Variants in FBLN2 observed in about 807,000 individuals in gnomAD.
The protein encoded by FBLN2 is fibulin-2.
FBLN2 carries 81 observed loss-of-function variants against 123.7 expected under a neutral mutation model. The ratio of observed to expected loss-of-function variants is 0.65; its 90% CI spans 0.55 to 0.79. The LOEUF is 0.79. Among genes scored for constraint, FBLN2 ranks in the 30% least tolerant of loss-of-function variants. FBLN2 has a pLI of 0.00. For synonymous variants in FBLN2, 699 were observed against 701.4 expected, an observed-to-expected ratio of 1.00 and a Z score of 0.05; for missense variants, 1,603 against 1,681.3, an observed-to-expected ratio of 0.95 and a Z score of 0.81.
intron 2 of FBLN2, among the ~76,000 whole-genome samples, chr3:13,574,479 G>A (rs1205641804): frequency 6.6e-6 from 1 of 152,206 alleles, no homozygotes; most frequent in Non-Finnish European, 1.5e-5. Flanking sequence ...AGGGAGCCGG[G>A]CATGTGGCTT....
In FBLN2 at chr3:13,582,369, G is replaced by A. The variant is rs528620442; in HGVS notation, c.1306+10708G>A. Among the ~76,000 whole-genome samples the A allele has an allele frequency of 4.6e-5, 7 of 151,844 alleles. No homozygotes were observed. In the East Asian group the frequency reaches 1.2e-3, roughly 25 times the overall value. On this transcript the variant is annotated intron_variant, in intron 2 of 17. Transcript: ENST00000404922. The stretch of plus-strand genomic sequence containing the variant: ...GGATCTGTGCTGCGAGTTTCCCTGC[G>A]GGCAATGTCGGCATCCTCTACCTGC...
chr3:13,587,137 T>G (rs1574963206), intron 2 of FBLN2, among the ~76,000 whole-genome samples: 1 of 130,330 alleles, frequency 7.7e-6, no homozygotes, highest in African/African-American at 3.0e-5. Flanking sequence ...ACAGCGAGAC[T>G]CCGTCTCAAA....
intron 1 of FBLN2, among the ~76,000 whole-genome samples, chr3:13,559,355 T>TGGATTTCTC (rs1703548754): frequency 6.6e-6 from 1 of 151,916 alleles, no homozygotes; most frequent in Non-Finnish European, 1.5e-5. Flanking sequence ...TTCTCTTTCT[T>TGGATTTCTC]GGCTTTTGTG....
At chr3:13,586,664 ATTTTTT>A in intron 2 of FBLN2, among the ~76,000 whole-genome samples, 1 of 124,820 alleles carries the variant, frequency 8.0e-6, no homozygotes, top group East Asian at 2.4e-4. Context: ...TGCCCAGCTA[ATTTTTT>A]TTTTTTTTTT....
Position 13,549,154 on chromosome 3 carries a change from G to T in FBLN2, c.-96G>T. ...ACAGCCAGGGGCCGCCCGGGCTCTC[G>T]ACGCGCCGACGGCCGGGCGGACGGA... On this transcript the variant is annotated 5_prime_UTR_variant, in exon 1 of 18. Coordinates refer to ENST00000404922, the MANE Select transcript of FBLN2 (RefSeq NM_001004019.2). 3.1e-6 allele frequency: 3 copies of T among 982,744 alleles called. No homozygotes were observed. The highest frequency in any genetic ancestry group is 3.6e-6 in the Non-Finnish European group (3 of 828,908). 60.9% of individuals were successfully genotyped at this position (982,744 alleles called of 1,614,324 possible). A position where few individuals can be genotyped will look rare whatever the true frequency, so the allele number is the denominator to read the frequency against.
intron 4 of FBLN2, 80 bp downstream of exon 4, chr3:13,609,722 G>A (rs2124881023): frequency 2.0e-6 from 3 of 1,513,562 alleles, no homozygotes; most frequent in South Asian, 1.2e-5. Context: ...GGTCCTCGTG[G>A]CCCAAGAAGT....
At chr3:13,618,013 G>A in intron 5 of FBLN2, 63 bp from the exon 6 acceptor site, 1 of 1,489,342 alleles carries the variant, frequency 6.7e-7, no homozygotes, top group Non-Finnish European at 9.3e-7. Flanking sequence ...TCCCAAAGCT[G>A]GTTGTCTCAG....
intron 10 of FBLN2, 127 bp downstream of exon 10, chr3:13,626,706 C>T (rs1415765607): frequency 2.1e-6 from 2 of 967,076 alleles, no homozygotes; most frequent in African/African-American, 3.3e-5. Context: ...TCTCCATCCC[C>T]TCCTTTCTAG....
chr3:13,619,880 G>T, intron 8 of FBLN2, 49 bp downstream of exon 8: 1 of 1,464,280 alleles, frequency 6.8e-7, no homozygotes. Context: ...GAGTTGGCCT[G>T]TGATGGGGGC....
rs373376353 is a variant in FBLN2 at position 13,600,701 on chromosome 3, C to T, written c.1307-7361C>T. Among the ~76,000 whole-genome samples, 263 of 151,790 alleles carry T rather than the reference C, an allele frequency of 1.7e-3. 1 individual carries two copies. Among genetic ancestry groups the T allele is most frequent in the African/African-American group, 5.9e-3 (245 of 41,356 alleles). ...CGCCATCTTGGCTCACTGCAACCTC[C>T]GCCTCACGGGTTCAAGTGATTCTCC... On this transcript the variant is annotated intron_variant, in intron 2 of 17. Coordinates refer to ENST00000404922, the MANE Select transcript of FBLN2 (RefSeq NM_001004019.2).
chr3:13,612,323 C>CTTTCTTTCTTTCTTTCTTTCTTTCTTTCT (rs1705426276), intron 4 of FBLN2, among the ~76,000 whole-genome samples: 1 of 134,950 alleles, frequency 7.4e-6, no homozygotes, highest in African/African-American at 2.8e-5. Flanking sequence ...TTCTTTCTTT[C>CTTTCTTTCTTTCTTTCTTTCTTTCTTTCT]TTTCTTTCTT....
chr3:13,601,886 C>T (rs959346498), intron 2 of FBLN2, among the ~76,000 whole-genome samples: 3 of 152,212 alleles, frequency 2.0e-5, no homozygotes, highest in Non-Finnish European at 4.4e-5. Flanking sequence ...AAGCCTCCAT[C>T]TCCTGGGCTC....
chr3:13,632,277 G>A (rs1223244163), intron 16 of FBLN2, among the ~76,000 whole-genome samples: 1 of 152,194 alleles, frequency 6.6e-6, no homozygotes, highest in African/African-American at 2.4e-5. Flanking sequence ...CGGCCCCTCG[G>A]TCCCTTGGCG....
intron 2 of FBLN2, among the ~76,000 whole-genome samples, chr3:13,599,707 A>C (rs911767503): frequency 6.6e-6 from 1 of 150,416 alleles, no homozygotes; most frequent in Non-Finnish European, 1.5e-5. Context: ...GAGGCGGGGG[A>C]TGAGGGATTG....
At chr3:13,629,316 C>T (rs1265600363) in intron 13 of FBLN2, 24 bp downstream of exon 13, 21 of 1,589,998 alleles carry the variant, frequency 1.3e-5, no homozygotes, top group Non-Finnish European at 1.7e-5. Context: ...TGGCCAGGAC[C>T]CCTGGGGAAC....
chr3:13,573,203 C>A (rs904369843), intron 2 of FBLN2, among the ~76,000 whole-genome samples: 5 of 151,988 alleles, frequency 3.3e-5, no homozygotes, highest in Non-Finnish European at 7.4e-5. Flanking sequence ...CCGGCCCCTC[C>A]CCAGCCTCTT....
In FBLN2 at chr3:13,630,724, C is replaced by T; in HGVS notation, c.2994C>T (p.Arg998=). 1 of 1,608,544 alleles carries T rather than the reference C, an allele frequency of 6.2e-7. No homozygotes were observed. The change falls in exon 15 of 18, where the codon CGC becomes CGT. Residue 998 remains arginine, a synonymous_variant. Coordinates refer to ENST00000404922, the MANE Select transcript of FBLN2 (RefSeq NM_001004019.2). ...ACGTGAATGAGTGTGAGGCCCAGCG[C>T]TGCAGCCAGGAGTGTGCCAACATCT... is the stretch of plus-strand genomic sequence containing the variant. The part of the protein sequence containing the change: ...CEDVNECEAQ[R]CSQECANIYG...
At position 13,570,336 on chromosome 3, in the gene FBLN2, G is replaced by A. The variant is rs368696308; in HGVS notation, c.-20G>A. 1.0e-4 allele frequency: 152 copies of A among 1,519,274 alleles called. No homozygotes were observed. The highest frequency in any genetic ancestry group is 3.4e-4 in the Middle Eastern group (2 of 5,852). The allele number at this position is 1,519,274 out of a possible 1,614,324, so 94.1% of individuals were successfully genotyped here. The stretch of plus-strand genomic sequence containing the variant: ...CCAGGGTCTTACAGGAGAGGGGACC[G>A]TCCTGGGCTGGCCTGGACCATGGTG... On this transcript the variant is annotated 5_prime_UTR_variant, in exon 2 of 18. Coordinates refer to ENST00000404922, the MANE Select transcript of FBLN2 (RefSeq NM_001004019.2).
intron 1 of FBLN2, among the ~76,000 whole-genome samples, chr3:13,563,161 G>A (rs1163550861): frequency 6.6e-6 from 1 of 152,214 alleles, no homozygotes; most frequent in Admixed American, 6.5e-5. Context: ...AATAAATTAA[G>A]GGTAGATTTT....
Sources: gnomAD v4.1 joint callset for allele counts (sites outside exome capture counted in the v4.1 genomes callset) on GRCh38, gnomAD v4.1.1 for gene constraint, MANE v1.5 for transcripts, NCBI Gene and HGNC (gene_info 2026-07-23, HGNC 2026-07-21) for gene names.